Variants in VAT1L observed in about 807,000 individuals in gnomAD.
VAT1L encodes vesicle amine transport 1 like.
A neutral mutation model predicts 44.1 loss-of-function variants in VAT1L; 34 were observed. That is an observed-to-expected ratio of 0.77 (90% CI 0.59 to 1.03). The LOEUF is 1.03. Ranked by LOEUF, VAT1L falls within the 50% of genes least tolerant of loss-of-function variation. The pLI is 0.00. For missense variants in VAT1L, 615 were observed against 538.8 expected (o/e 1.14, Z -1.40); for synonymous variants, 253 against 202.2 (o/e 1.25, Z -2.13).
intron 7 of VAT1L, among the ~76,000 whole-genome samples, chr16:77,958,470 A>T (rs1379812803): frequency 6.6e-6 from 1 of 152,166 alleles, no homozygotes; most frequent in African/African-American, 2.4e-5. Context: ...TCTCACTCCC[A>T]TGTAGGAATC....
chr16:77,971,201 G>A (rs991632353), intron 7 of VAT1L, among the ~76,000 whole-genome samples: 1 of 152,112 alleles, frequency 6.6e-6, no homozygotes, highest in Non-Finnish European at 1.5e-5. Context: ...ATGCTCAAAA[G>A]GCAAATTGGA....
rs2016979063 is a variant in VAT1L at position 77,866,797 on chromosome 16, G to C, written c.722+3907G>C. On this transcript the variant is annotated intron_variant, in intron 4 of 8. Coordinates refer to ENST00000302536, the MANE Select transcript of VAT1L (RefSeq NM_020927.3). ...CTTTCTCTCTCTTTAGGAGGAGAGA[G>C]ATGATTATGAGTGAAACCAAGCCAA... Among the ~76,000 whole-genome samples, 3 of 152,174 alleles carry C rather than the reference G, an allele frequency of 2.0e-5. No homozygotes were observed. The South Asian group carries it at 6.2e-4, about 32-fold the overall frequency.
chr16:77,830,665 CTG>C (rs2016569257), intron 3 of VAT1L, among the ~76,000 whole-genome samples: 1 of 152,186 alleles, frequency 6.6e-6, no homozygotes, highest in Admixed American at 6.5e-5. Flanking sequence ...CCATGTGGAA[CTG>C]TGAGTCCATT....
chr16:77,816,798 C>A, intron 1 of VAT1L, 123 bp from the exon 2 acceptor site: 6 of 1,226,980 alleles, frequency 4.9e-6, no homozygotes, highest in South Asian at 3.6e-5. Context: ...AAAAAAAAGA[C>A]AGGAAGGAGT....
chr16:77,871,950 G>T (rs932858574), intron 4 of VAT1L, among the ~76,000 whole-genome samples: 1 of 152,070 alleles, frequency 6.6e-6, no homozygotes, highest in Non-Finnish European at 1.5e-5. Context: ...AAGACTTGAA[G>T]GTGGGGCATT....
At chr16:77,968,379 A>T (rs2018245264) in intron 7 of VAT1L, among the ~76,000 whole-genome samples, 1 of 152,202 alleles carries the variant, frequency 6.6e-6, no homozygotes, top group African/African-American at 2.4e-5. Flanking sequence ...GAGTTCCTGA[A>T]AGAGGAGGAA....
chr16:77,925,108 T>C (rs1597101516), intron 7 of VAT1L, among the ~76,000 whole-genome samples: 2 of 152,236 alleles, frequency 1.3e-5, no homozygotes, highest in South Asian at 2.1e-4. Context: ...AATTAGTAGC[T>C]TTTGCCTTCC....
intron 7 of VAT1L, among the ~76,000 whole-genome samples, chr16:77,957,453 G>T (rs553119867): frequency 2.0e-5 from 3 of 152,284 alleles, no homozygotes; most frequent in Admixed American, 2.0e-4. Context: ...TTAGCAAGGT[G>T]CAGTGGCTCA....
chr16:77,928,666 A>C (rs1439748575), intron 7 of VAT1L, among the ~76,000 whole-genome samples: 3 of 152,200 alleles, frequency 2.0e-5, no homozygotes, highest in South Asian at 4.1e-4. Flanking sequence ...AGCCCCTCGT[A>C]AATGACGTGT....
intron 6 of VAT1L, among the ~76,000 whole-genome samples, chr16:77,881,287 G>T (rs2082017): frequency 0.55 from 82,955 of 152,062 alleles, 23,334 homozygotes; most frequent in Middle Eastern, 0.63. Flanking sequence ...AGCACCTGCT[G>T]TTTGTGGTAT....
At chr16:77,881,589 C>T (rs1367284301) in intron 6 of VAT1L, among the ~76,000 whole-genome samples, 1 of 152,232 alleles carries the variant, frequency 6.6e-6, no homozygotes, top group African/African-American at 2.4e-5. Flanking sequence ...AAAGTGCCAA[C>T]ATCAGCTTCC....
intron 7 of VAT1L, among the ~76,000 whole-genome samples, chr16:77,903,768 A>AT (rs2017409646): frequency 9.3e-6 from 1 of 107,126 alleles, no homozygotes; most frequent in Admixed American, 1.1e-4. Flanking sequence ...ACAGAGTCTT[A>AT]TTCTGTCACC....
At chr16:77,833,567 A>G (rs2016604836) in intron 3 of VAT1L, among the ~76,000 whole-genome samples, 1 of 152,054 alleles carries the variant, frequency 6.6e-6, no homozygotes, top group East Asian at 1.9e-4. Flanking sequence ...CCTGGCCAAC[A>G]CGGTGAAACC....
In VAT1L at chr16:77,936,302, T is replaced by G. The variant is rs187617864; in HGVS notation, c.1078-35548T>G. Among the ~76,000 whole-genome samples the G allele has an allele frequency of 2.6e-4, 40 of 152,270 alleles. 1 individual carries two copies. The highest frequency in any genetic ancestry group is 2.6e-3 in the Admixed American group (40 of 15,290). ...AACCCTCTGGGACAATTTTCCACTTTAGAGCTAAAGAAACTGAGGCTGGGA... is the reference window on the plus strand; with the variant it reads ...AACCCTCTGGGACAATTTTCCACTTGAGAGCTAAAGAAACTGAGGCTGGGA... On this transcript the variant is annotated intron_variant, in intron 7 of 8. Coordinates refer to ENST00000302536, the MANE Select transcript of VAT1L (RefSeq NM_020927.3).
At chr16:77,908,828 G>A (rs149348564) in intron 7 of VAT1L, among the ~76,000 whole-genome samples, 4,778 of 151,912 alleles carry the variant, frequency 0.031, 158 homozygotes, top group East Asian at 0.15. Flanking sequence ...GCAGGAGCAC[G>A]GCGTGAACCC....
intron 3 of VAT1L, among the ~76,000 whole-genome samples, chr16:77,848,807 T>A (rs1467212365): frequency 6.6e-6 from 1 of 152,046 alleles, no homozygotes; most frequent in Non-Finnish European, 1.5e-5. Flanking sequence ...CCATCAATAA[T>A]AGACTGGATA....
chr16:77,958,817 C>T (rs1009755889), intron 7 of VAT1L, among the ~76,000 whole-genome samples: 4 of 152,186 alleles, frequency 2.6e-5, no homozygotes, highest in African/African-American at 7.2e-5. Flanking sequence ...GCTTTCTCTT[C>T]TTCTCCTTCG....
intron 7 of VAT1L, among the ~76,000 whole-genome samples, chr16:77,916,239 C>T (rs777885831): frequency 6.6e-6 from 1 of 152,136 alleles, no homozygotes; most frequent in African/African-American, 2.4e-5. Context: ...AGTGGGGACT[C>T]ACTGTGTGTT....
chr16:77,955,000 C>T (rs977758416), intron 7 of VAT1L, among the ~76,000 whole-genome samples: 3 of 152,172 alleles, frequency 2.0e-5, no homozygotes, highest in African/African-American at 7.2e-5. Flanking sequence ...GCTAATGTAA[C>T]CACTTGAGTG....
Sources: gnomAD v4.1 joint callset for allele counts (sites outside exome capture counted in the v4.1 genomes callset) on GRCh38, gnomAD v4.1.1 for gene constraint, MANE v1.5 for transcripts, NCBI Gene and HGNC (gene_info 2026-07-23, HGNC 2026-07-21) for gene names.